EXOC4: variants seen among roughly 807,000 people sequenced by gnomAD.
EXOC4 encodes SEC8-like 1.
EXOC4 carries 71 observed loss-of-function variants against 107.2 expected under a neutral mutation model. The ratio of observed to expected loss-of-function variants is 0.66; its 90% CI spans 0.55 to 0.81. The LOEUF (loss-of-function observed/expected upper bound fraction) is 0.81. Ranked by LOEUF, EXOC4 falls within the 30% of genes least tolerant of loss-of-function variation. EXOC4 has a pLI of 0.00. For missense variants in EXOC4, 1,108 were observed against 1,189.6 expected (o/e 0.93, Z 1.01); for synonymous variants, 456 against 441.2 (o/e 1.03, Z -0.42).
intron 10 of EXOC4, among the ~76,000 whole-genome samples, chr7:133,782,972 A>C (rs560038842): frequency 6.6e-6 from 1 of 152,300 alleles, no homozygotes; most frequent in East Asian, 1.9e-4. Context: ...CTAGGGTCTG[A>C]ATCTCAGCTA....
chr7:133,264,213 T>C lies in EXOC4; in HGVS notation c.87-10769T>C, dbSNP rs1213713170. ...TGACCTTTGTTGCCTAAGAGATTTA[T>C]AGCTTTTGGTCCCCAGAAGTGTTCT... On this transcript the variant is annotated intron_variant, in intron 1 of 17. Transcript: ENST00000253861. 4.6e-5 allele frequency among the ~76,000 whole-genome samples: 7 copies of C among 152,192 alleles called. No homozygotes were observed. The East Asian group carries it at 1.2e-3, about 25-fold the overall frequency.
intron 10 of EXOC4, among the ~76,000 whole-genome samples, chr7:133,787,036 G>T (rs1399564833): frequency 6.6e-6 from 1 of 152,144 alleles, no homozygotes; most frequent in Non-Finnish European, 1.5e-5. Context: ...AATTCCACAT[G>T]ATCAGTCTGT....
rs144853703 is a variant in EXOC4 at position 134,002,593 on chromosome 7, T to G, written c.2349-2319T>G. On this transcript the variant is annotated intron_variant, in intron 15 of 17. Transcript: ENST00000253861. ...TGATAAAGGACTTGTATCCAGAATA[T>G]ATAATGAACTCTCAAAACTTAATAA... Among the ~76,000 whole-genome samples, 301 of 152,238 alleles carry G rather than the reference T, an allele frequency of 2.0e-3. 2 individuals are homozygous for G. The highest frequency in any genetic ancestry group is 6.8e-3 in the African/African-American group (284 of 41,570).
rs557143248 is a variant in EXOC4, at chr7:133,261,928, A to G, written c.86+8741A>G. Among the ~76,000 whole-genome samples, 4 of 152,184 alleles carry G rather than the reference A, an allele frequency of 2.6e-5. No homozygotes were observed. The South Asian group carries it at 8.3e-4, about 32-fold the overall frequency. ...GTAGTTACCTGTCACACGTGTGCTG[A>G]TCAATACCCAGCTGATGACCCTCTA... On this transcript the variant is annotated intron_variant, in intron 1 of 17. Coordinates refer to ENST00000253861, the MANE Select transcript of EXOC4 (RefSeq NM_021807.4).
Position 133,356,542 on chromosome 7 carries a change from G to C in EXOC4, c.976G>C (p.Gly326Arg), listed in dbSNP as rs768384421. 3 of 1,614,042 alleles carry C rather than the reference G, an allele frequency of 1.9e-6. No individual in the cohort carries two copies. Among genetic ancestry groups the C allele is most frequent in the Non-Finnish European group, 2.5e-6 (3 of 1,179,962 alleles). The change falls in exon 6 of 18, where the codon GGG (glycine) becomes CGG (arginine). Residue 326 changes from glycine (G) to arginine (R), a missense_variant. By Grantham distance (125) the Gly-to-Arg change is moderately radical. Coordinates refer to ENST00000253861, the MANE Select transcript of EXOC4 (RefSeq NM_021807.4). ...GGTGGCAGACAGTGGCTATCAGCGG[G>C]GGGAGAACGTTACTGTGGAGAACCA... The part of the protein sequence containing the change: ...TQVADSGYQR[G>R]ENVTVENQPR...
chr7:133,441,785 T>C (rs1798109802), intron 7 of EXOC4, among the ~76,000 whole-genome samples: 1 of 152,162 alleles, frequency 6.6e-6, no homozygotes, highest in South Asian at 2.1e-4. Context: ...AATGATACAG[T>C]GGGGCTAATT....
At chr7:133,993,615 T>G (rs1490690146) in intron 14 of EXOC4, among the ~76,000 whole-genome samples, 1 of 152,210 alleles carries the variant, frequency 6.6e-6, no homozygotes, top group Non-Finnish European at 1.5e-5. Flanking sequence ...TTGCAGTGAT[T>G]TAAAGAGGTG....
At chr7:134,011,985 A>G (rs1055797285) in intron 17 of EXOC4, among the ~76,000 whole-genome samples, 1 of 152,038 alleles carries the variant, frequency 6.6e-6, no homozygotes, top group African/African-American at 2.4e-5. Context: ...CTAAGGGTGA[A>G]GAGCCAGAGG....
At chr7:133,614,574 G>A (rs141776744) in intron 9 of EXOC4, among the ~76,000 whole-genome samples, 211 of 152,072 alleles carry the variant, frequency 1.4e-3, no homozygotes, top group African/African-American at 3.7e-3. Context: ...GAAAAGGATC[G>A]TCAGCATTAT....
intron 7 of EXOC4, among the ~76,000 whole-genome samples, chr7:133,465,239 A>G (rs1443707194): frequency 2.0e-5 from 3 of 152,222 alleles, no homozygotes; most frequent in Non-Finnish European, 4.4e-5. Context: ...AATGAAATGG[A>G]CAGAGAATAT....
At chr7:134,021,150 C>G in intron 17 of EXOC4, among the ~76,000 whole-genome samples, 1 of 152,144 alleles carries the variant, frequency 6.6e-6, no homozygotes, top group Non-Finnish European at 1.5e-5. Flanking sequence ...GGAAAGCTAT[C>G]TAAGAGGAAA....
chr7:133,275,830 T>TA (rs928283890), intron 2 of EXOC4, among the ~76,000 whole-genome samples: 64 of 151,566 alleles, frequency 4.2e-4, no homozygotes, highest in Non-Finnish European at 2.4e-4. Flanking sequence ...TTTTTTTTTT[T>TA]AGAGTTGGAG....
chr7:133,773,204 T>G (rs528260954), intron 10 of EXOC4, among the ~76,000 whole-genome samples: 1 of 152,068 alleles, frequency 6.6e-6, no homozygotes, highest in South Asian at 2.1e-4. Context: ...GTTTCTTATT[T>G]TAGAGACATG....
intron 17 of EXOC4, among the ~76,000 whole-genome samples, chr7:134,013,088 C>T (rs959099173): frequency 2.0e-5 from 3 of 152,210 alleles, no homozygotes; most frequent in Non-Finnish European, 4.4e-5. Flanking sequence ...AAGTTCCTCA[C>T]TCCTCAAGTC....
intron 10 of EXOC4, among the ~76,000 whole-genome samples, chr7:133,720,512 A>T (rs1311108672): frequency 6.6e-6 from 1 of 152,114 alleles, no homozygotes; most frequent in African/African-American, 2.4e-5. Context: ...GGGGTATTTT[A>T]TTTTCTATTC....
chr7:133,817,567 C>T (rs751826501), intron 11 of EXOC4, 23 bp downstream of exon 11: 1 of 1,526,728 alleles, frequency 6.5e-7, no homozygotes, highest in South Asian at 1.1e-5. Flanking sequence ...TTTGAACTTA[C>T]TATTTTTATC....
At chr7:133,680,337 A>G (rs1343744667) in intron 10 of EXOC4, among the ~76,000 whole-genome samples, 1 of 152,194 alleles carries the variant, frequency 6.6e-6, no homozygotes, top group Non-Finnish European at 1.5e-5. Context: ...TTAACAATAT[A>G]GTTAACACTT....
intron 10 of EXOC4, among the ~76,000 whole-genome samples, chr7:133,709,911 C>G (rs1461398310): frequency 1.3e-5 from 2 of 152,150 alleles, no homozygotes; most frequent in African/African-American, 4.8e-5. Context: ...ACTGCTATTA[C>G]TGTGATTATT....
intron 14 of EXOC4, among the ~76,000 whole-genome samples, chr7:133,944,243 C>G (rs992249917): frequency 1.3e-5 from 2 of 152,090 alleles, no homozygotes; most frequent in Non-Finnish European, 2.9e-5. Flanking sequence ...CACAGTTTTC[C>G]CATATCACAG....
Sources: allele counts gnomAD v4.1 joint callset (sites outside exome capture counted in the v4.1 genomes callset), GRCh38; gene constraint gnomAD v4.1.1; transcripts MANE v1.5; gene names NCBI Gene and HGNC (gene_info 2026-07-23, HGNC 2026-07-21).